Variants in CACNA1D observed in about 807,000 individuals in gnomAD.
The protein encoded by CACNA1D is calcium voltage-gated channel subunit alpha1 D, also known as voltage-dependent L-type calcium channel subunit alpha-1D.
Under a neutral mutation model 257.1 loss-of-function variants are expected in CACNA1D, and 55 were observed. That is an observed-to-expected ratio of 0.21 (90% CI 0.17 to 0.27). The LOEUF (loss-of-function observed/expected upper bound fraction) is 0.27. Among genes scored for constraint, CACNA1D ranks in the 10% least tolerant of loss-of-function variants. The probability of loss-of-function intolerance (pLI) is 1.00; values close to 1 mark genes in which losing one functional copy is unlikely to be tolerated. For missense variants in CACNA1D, 1,876 were observed against 2,784.0 expected (o/e 0.67, Z 7.34); for synonymous variants, 980 against 1,014.9 (o/e 0.97, Z 0.65).
rs147406126 is a variant in CACNA1D at position 53,517,114 on chromosome 3, A to G, written c.483+15394A>G. Among the ~76,000 whole-genome samples, 876 of 152,338 alleles carry G rather than the reference A, an allele frequency of 5.8e-3. 10 individuals are homozygous for G. Among genetic ancestry groups the G allele is most frequent in the African/African-American group, 0.02 (821 of 41,564 alleles). On this transcript the variant is annotated intron_variant, in intron 3 of 47. Transcript: ENST00000350061. Reference sequence around the variant, plus strand: ...AAAGCGTTTTATAATCTACGAAGCTATATACACATGGGCGGCATCATCCTT... The same window carrying G: ...AAAGCGTTTTATAATCTACGAAGCTGTATACACATGGGCGGCATCATCCTT...
chr3:53,710,601 G>A (rs2094743188), intron 9 of CACNA1D: 1 of 364,484 alleles, frequency 2.7e-6, no homozygotes, highest in Non-Finnish European at 5.6e-6. Flanking sequence ...TATTTTAATT[G>A]CTTGATTTCT....
chr3:53,596,866 A>G (rs1349890314), intron 3 of CACNA1D, among the ~76,000 whole-genome samples: 1 of 152,228 alleles, frequency 6.6e-6, no homozygotes, highest in Admixed American at 6.5e-5. Flanking sequence ...AGCAATGGGA[A>G]ACATACATCA....
rs3774545 is a variant in CACNA1D at position 53,710,292 on chromosome 3, T to C, written c.1390+7482T>C. On this transcript the variant is annotated intron_variant, in intron 9 of 47. Transcript: ENST00000350061. ...CTGGGGCAGGCGGGCGTCCATTGCG[T>C]GAGGCAACCTGGCTGGCAGGGCTGG... is the stretch of plus-strand genomic sequence containing the variant. 5.5e-3 allele frequency: 2,328 copies of C among 425,818 alleles called. 151 individuals carry two copies. The East Asian group carries it at 0.13, about 24-fold the overall frequency. 26.4% of individuals were successfully genotyped at this position (425,818 alleles called of 1,614,324 possible). A position where few individuals can be genotyped will look rare whatever the true frequency, so the allele number is the denominator to read the frequency against.
At chr3:53,527,296 G>C (rs532466402) in intron 3 of CACNA1D, among the ~76,000 whole-genome samples, 1 of 152,332 alleles carries the variant, frequency 6.6e-6, no homozygotes, top group Non-Finnish European at 1.5e-5. Flanking sequence ...CTCCAGTGTG[G>C]ATTTGCCTTT....
At chr3:53,504,365 T>C (rs1380856526) in intron 3 of CACNA1D, among the ~76,000 whole-genome samples, 1 of 152,042 alleles carries the variant, frequency 6.6e-6, no homozygotes, top group Non-Finnish European at 1.5e-5. Context: ...AAATTATGAC[T>C]TTTTTTGGGG....
intron 3 of CACNA1D, among the ~76,000 whole-genome samples, chr3:53,648,600 C>A (rs1345903986): frequency 6.6e-6 from 1 of 152,006 alleles, no homozygotes; most frequent in South Asian, 2.1e-4. Context: ...GGGAATGGGG[C>A]AACGGGGAAT....
chr3:53,621,559 A>G (rs1330602319), intron 3 of CACNA1D, among the ~76,000 whole-genome samples: 1 of 152,230 alleles, frequency 6.6e-6, no homozygotes, highest in Non-Finnish European at 1.5e-5. Flanking sequence ...CAAAGGACTT[A>G]GGTATAAACA....
chr3:53,537,668 A>G (rs756542497), intron 3 of CACNA1D, among the ~76,000 whole-genome samples: 1 of 152,170 alleles, frequency 6.6e-6, no homozygotes, highest in African/African-American at 2.4e-5. Context: ...TTGAATTAGG[A>G]TACAGGTAGG....
At chr3:53,558,738 A>C (rs9866802) in intron 3 of CACNA1D, among the ~76,000 whole-genome samples, 84 of 152,232 alleles carry the variant, frequency 5.5e-4, no homozygotes, top group African/African-American at 1.9e-3. Context: ...TAATAATTCA[A>C]ATCATTCTTC....
At chr3:53,624,708 A>G (rs1312171701) in intron 3 of CACNA1D, among the ~76,000 whole-genome samples, 1 of 152,152 alleles carries the variant, frequency 6.6e-6, no homozygotes, top group African/African-American at 2.4e-5. Flanking sequence ...GCACCCCCAA[A>G]TTCTTGAGCT....
chr3:53,591,414 C>T (rs764014950), intron 3 of CACNA1D, among the ~76,000 whole-genome samples: 2 of 151,876 alleles, frequency 1.3e-5, no homozygotes, highest in Non-Finnish European at 1.5e-5. Context: ...CACCACGCCC[C>T]GCTAATTTTT....
chr3:53,776,158 A>AGC (rs1283257634), intron 35 of CACNA1D, 113 bp downstream of exon 35: 13 of 985,398 alleles, frequency 1.3e-5, no homozygotes, highest in Admixed American at 5.4e-5. Context: ...GATGTGGATG[A>AGC]GCACTCTGGA....
At chr3:53,735,827 C>T (rs1279013358) in intron 20 of CACNA1D, among the ~76,000 whole-genome samples, 4 of 152,200 alleles carry the variant, frequency 2.6e-5, no homozygotes, top group Non-Finnish European at 4.4e-5. Flanking sequence ...CTCAGGTTTA[C>T]ACTCACCCCT....
At chr3:53,661,332 G>GA (rs3836507) in intron 5 of CACNA1D, among the ~76,000 whole-genome samples, 54,339 of 151,428 alleles carry the variant, frequency 0.36, 10,689 homozygotes, top group East Asian at 0.62. Context: ...AAATCCTCTG[G>GA]AAAAAAAAAT....
intron 8 of CACNA1D, among the ~76,000 whole-genome samples, chr3:53,685,718 A>T (rs552366784): frequency 6.6e-6 from 1 of 152,268 alleles, no homozygotes; most frequent in East Asian, 1.9e-4. Flanking sequence ...AACTCAAAAA[A>T]TAATAAAAAT....
At chr3:53,677,930 G>T (rs926913640) in intron 8 of CACNA1D, among the ~76,000 whole-genome samples, 1 of 152,140 alleles carries the variant, frequency 6.6e-6, no homozygotes, top group Non-Finnish European at 1.5e-5. Flanking sequence ...TAGCAGCTTC[G>T]TGAAGTTCAG....
In CACNA1D at chr3:53,516,729, G is replaced by A. The variant is rs186691472; in HGVS notation, c.483+15009G>A. Among the ~76,000 whole-genome samples the A allele has an allele frequency of 1.5e-3, 223 of 152,338 alleles. 2 individuals carry two copies. Among genetic ancestry groups the A allele is most frequent in the African/African-American group, 4.9e-3 (205 of 41,572 alleles). The stretch of plus-strand genomic sequence containing the variant: ...CTGTGTCTTGGGGCCTGCACCTTTT[G>A]ATTGCAGGCACCAGGCCCAGCATTT... On this transcript the variant is annotated intron_variant, in intron 3 of 47. Transcript: ENST00000350061.
intron 3 of CACNA1D, among the ~76,000 whole-genome samples, chr3:53,592,380 G>T (rs1388496150): frequency 6.6e-6 from 1 of 152,088 alleles, no homozygotes; most frequent in South Asian, 2.1e-4. Flanking sequence ...TAATTGGAAT[G>T]GAGTAGGGGT....
At chr3:53,651,554 T>C (rs1452209150) in intron 4 of CACNA1D, among the ~76,000 whole-genome samples, 1 of 152,158 alleles carries the variant, frequency 6.6e-6, no homozygotes, top group East Asian at 1.9e-4. Context: ...TCAGTAGTTT[T>C]AGTGAAAGGA....
Sources: allele counts gnomAD v4.1 joint callset (sites outside exome capture counted in the v4.1 genomes callset), GRCh38; gene constraint gnomAD v4.1.1; transcripts MANE v1.5; gene names NCBI Gene and HGNC (gene_info 2026-07-23, HGNC 2026-07-21).